The following CDKN2B-AS1 variants were observed in gnomAD, a reference collection of about 807,000 sequenced individuals.
CDKN2B-AS1 encodes the protein CDKN2B antisense RNA 1 (non-protein coding).
Position 22,006,263 on chromosome 9 carries a change from G to A in CDKN2B-AS1, n.29+11102G>A. 1 of 1,602,054 alleles carries A rather than the reference G, an allele frequency of 6.2e-7. No homozygotes were observed. The highest frequency in any genetic ancestry group is 8.5e-7 in the Non-Finnish European group (1 of 1,179,862). On this transcript the variant is annotated intron_variant and non_coding_transcript_variant, in intron 1 of 4. Coordinates refer to ENST00000650946, the Ensembl canonical transcript of CDKN2B-AS1. This position sits in a 1 kb window ranked among gnomAD's most constrained non-coding sequence, Gnocchi z 6.4. ...TCATCATGACCTGCCAGAGAGAGCA[G>A]AGTGGTCAGAGCCAGGGTGGGGGCA...
At chr9:22,094,351 T>C (rs1340594821) in intron 4 of CDKN2B-AS1, among the ~76,000 whole-genome samples, 2 of 144,022 alleles carry the variant, frequency 1.4e-5, no homozygotes, top group African/African-American at 2.9e-5. Context: ...TTTCCTGAAT[T>C]TGAATGTTGG....
At chr9:22,091,435 G>T (rs1825080657) in intron 4 of CDKN2B-AS1, among the ~76,000 whole-genome samples, 1 of 152,110 alleles carries the variant, frequency 6.6e-6, no homozygotes, top group Non-Finnish European at 1.5e-5. Flanking sequence ...CCATTTTCAT[G>T]TTATTGATTC....
At chr9:22,052,133 C>G (rs530390432) in intron 3 of CDKN2B-AS1, among the ~76,000 whole-genome samples, 2 of 152,276 alleles carry the variant, frequency 1.3e-5, no homozygotes, top group African/African-American at 4.8e-5. Flanking sequence ...TATTGCCTCT[C>G]TCACCAAAAT....
intron 1 of CDKN2B-AS1, among the ~76,000 whole-genome samples, chr9:22,036,229 T>C (rs1822683879): frequency 6.6e-6 from 1 of 152,094 alleles, no homozygotes; most frequent in African/African-American, 2.4e-5. Context: ...GCTAATTAGA[T>C]TGAATGCTGT....
chr9:22,065,337 A>G (rs1416496077), intron 4 of CDKN2B-AS1, among the ~76,000 whole-genome samples: 1 of 152,142 alleles, frequency 6.6e-6, no homozygotes, highest in South Asian at 2.1e-4. Context: ...CTAAGCAAAG[A>G]TTGCCAGCCT....
intron 1 of CDKN2B-AS1, among the ~76,000 whole-genome samples, chr9:21,998,034 A>C (rs929678808): frequency 6.6e-6 from 1 of 152,214 alleles, no homozygotes; most frequent in African/African-American, 2.4e-5. Flanking sequence ...TCTGAATAAA[A>C]GGATAATTAT....
At chr9:22,038,693 C>A (rs545004057) in intron 1 of CDKN2B-AS1, among the ~76,000 whole-genome samples, 3 of 151,980 alleles carry the variant, frequency 2.0e-5, no homozygotes, top group African/African-American at 7.2e-5. Context: ...TGTCAAGGAA[C>A]CCACAGGATA....
intron 4 of CDKN2B-AS1, among the ~76,000 whole-genome samples, chr9:22,074,770 C>G (rs1400538963): frequency 1.3e-5 from 2 of 152,164 alleles, no homozygotes; most frequent in Admixed American, 6.5e-5. Flanking sequence ...TATCTGTGGA[C>G]TATGGTTAAG....
At chr9:22,073,568 C>A (rs1241345152) in intron 4 of CDKN2B-AS1, among the ~76,000 whole-genome samples, 1 of 152,070 alleles carries the variant, frequency 6.6e-6, no homozygotes, top group Admixed American at 6.6e-5. Context: ...ATTGACAGTT[C>A]GTGGAAATCT....
chr9:22,127,134 T>G (rs1305952287), exon 5 of CDKN2B-AS1, among the ~76,000 whole-genome samples: 1 of 152,100 alleles, frequency 6.6e-6, no homozygotes. Flanking sequence ...CAGGCTGGAG[T>G]GCAGTGGCGT....
chr9:22,113,421 A>G (rs1321780870), intron 4 of CDKN2B-AS1, among the ~76,000 whole-genome samples: 1 of 152,198 alleles, frequency 6.6e-6, no homozygotes, highest in South Asian at 2.1e-4. Context: ...AGTTTATGGG[A>G]TTAGATTACA....
chr9:22,080,926 T>C (rs894801988), intron 4 of CDKN2B-AS1, among the ~76,000 whole-genome samples: 3 of 152,214 alleles, frequency 2.0e-5, no homozygotes, highest in Admixed American at 6.5e-5. Context: ...TTGTGTTTTT[T>C]TGCATGAGAA....
chr9:22,121,453 G>C lies in CDKN2B-AS1; in HGVS notation n.439-5650G>C, dbSNP rs112887706. On this transcript the variant is annotated intron_variant and non_coding_transcript_variant, in intron 4 of 4. Coordinates refer to ENST00000650946, the Ensembl canonical transcript of CDKN2B-AS1. ...TATAGTGATCAGATCAGGGTAATTC[G>C]CATACCCAGTCATCCTATAGTGGGT... 6.4e-3 allele frequency among the ~76,000 whole-genome samples: 979 copies of C among 151,978 alleles called. 18 individuals carry two copies. The highest frequency in any genetic ancestry group is 0.023 in the African/African-American group (941 of 41,462).
At chr9:22,020,641 C>G (rs1389363995) in intron 1 of CDKN2B-AS1, among the ~76,000 whole-genome samples, 1 of 152,108 alleles carries the variant, frequency 6.6e-6, no homozygotes, top group African/African-American at 2.4e-5. Flanking sequence ...TGATGTTGAG[C>G]TTTTCTTCAT....
exon 5 of CDKN2B-AS1, among the ~76,000 whole-genome samples, chr9:22,127,143 G>A (rs1587559456): frequency 6.6e-6 from 1 of 152,080 alleles, no homozygotes; most frequent in South Asian, 2.1e-4. Context: ...GTGCAGTGGC[G>A]TGATCTCGGC....
intron 4 of CDKN2B-AS1, among the ~76,000 whole-genome samples, chr9:22,088,560 T>C (rs1587513842): frequency 1.3e-5 from 2 of 152,230 alleles, no homozygotes; most frequent in East Asian, 3.8e-4. Flanking sequence ...AGTTACCGTG[T>C]GATTCAGTTC....
chr9:22,117,600 C>G (rs1231354110), intron 4 of CDKN2B-AS1: 1 of 152,254 alleles, frequency 6.6e-6, no homozygotes, highest in Admixed American at 6.5e-5. Context: ...AGGGGGCTGA[C>G]TCAGCTTGAG....
At chr9:22,024,758 G>A (rs542908541) in intron 1 of CDKN2B-AS1, among the ~76,000 whole-genome samples, 64 of 152,200 alleles carry the variant, frequency 4.2e-4, no homozygotes, top group Non-Finnish European at 7.9e-4. Flanking sequence ...GATGTGGGGA[G>A]TTGCCATGGG....
chr9:22,112,951 T>G (rs1380856186), intron 4 of CDKN2B-AS1, among the ~76,000 whole-genome samples: 1 of 152,188 alleles, frequency 6.6e-6, no homozygotes, highest in East Asian at 1.9e-4. Flanking sequence ...GGTACTGTGC[T>G]TCAGTTTACT....
Sources: gnomAD v4.1 joint callset for allele counts (sites outside exome capture counted in the v4.1 genomes callset) on GRCh38, gnomAD v4.1.1 for gene constraint, Gnocchi (gnomAD v3.1) non-coding constraint, MANE v1.5 for transcripts, NCBI Gene and HGNC (gene_info 2026-07-23, HGNC 2026-07-21) for gene names.